Variants in RPP38 observed in about 807,000 individuals in gnomAD.
RPP38 encodes the protein ribonuclease P/MRP subunit p38.
In RPP38, 2 loss-of-function variants were observed where a neutral mutation model predicts 1.7. The observed-to-expected ratio is 1.18, with a 90% CI of 0.48 to 3.70. The LOEUF is 3.70. Ranked by LOEUF, RPP38 falls within the 30% of genes most tolerant of loss-of-function variation. The pLI is 0.07. For synonymous variants in RPP38, 151 were observed against 131.8 expected (o/e 1.15, Z -1.00); for missense variants, 358 against 340.1 (o/e 1.05, Z -0.41).
At chr10:15,099,922 G>A (rs1845064907) in intron 1 of RPP38, among the ~76,000 whole-genome samples, 1 of 152,240 alleles carries the variant, frequency 6.6e-6, no homozygotes, top group South Asian at 2.1e-4. Flanking sequence ...TCGAACGACT[G>A]CACTACTGCC....
intron 1 of RPP38, among the ~76,000 whole-genome samples, chr10:15,099,377 C>A (rs1202740254): frequency 6.6e-6 from 1 of 152,058 alleles, no homozygotes; most frequent in Non-Finnish European, 1.5e-5. Context: ...TGCCCTCAAT[C>A]CCAGTACTTT....
rs746499339 is a variant in RPP38 at position 15,103,383 on chromosome 10, G to A, written c.69G>A (p.Thr23=). The A allele has an allele frequency of 1.6e-5, 26 of 1,613,478 alleles. No individual in the cohort carries two copies. Among genetic ancestry groups the A allele is most frequent in the East Asian group, 2.2e-5 (1 of 44,900 alleles). Residue 23 remains threonine (T), a synonymous_variant, in exon 3 of 3, where the codon ACG becomes ACA. Transcript: ENST00000378197. ...LRKTRPLVVK[T]SLNNPYIIRW... is the part of the protein sequence containing the mutation. Reference sequence around the variant, plus strand: ...AGACGAGACCTCTGGTTGTGAAGACGTCGTTGAACAACCCATACATCATCC... The same window carrying A: ...AGACGAGACCTCTGGTTGTGAAGACATCGTTGAACAACCCATACATCATCC...
chr10:15,100,432 G>T (rs574418495), intron 1 of RPP38, among the ~76,000 whole-genome samples: 2 of 152,186 alleles, frequency 1.3e-5, no homozygotes, highest in South Asian at 4.1e-4. Context: ...GGGGTCAGGG[G>T]ACACAGTGTG....
intron 1 of RPP38, among the ~76,000 whole-genome samples, chr10:15,101,055 G>A (rs1238163299): frequency 6.6e-6 from 1 of 152,174 alleles, no homozygotes; most frequent in Non-Finnish European, 1.5e-5. Context: ...CTGGGTTGAG[G>A]ACCAAGCATC....
In RPP38 at chr10:15,103,632, T is replaced by C. The variant is rs775435319; in HGVS notation, c.318T>C (p.Pro106=). The C allele has an allele frequency of 1.9e-6, 3 of 1,614,102 alleles. No individual in the cohort carries two copies. Among genetic ancestry groups the C allele is most frequent in the East Asian group, 2.2e-5 (1 of 44,888 alleles). ...DAKQQVSGWT[P]AHVRKQLAIG... ...AGCAGCAAGTGTCAGGGTGGACGCC[T>C]GCACACGTCAGGAAGCAGCTTGCCA... Residue 106 remains proline, a synonymous_variant, in exon 3 of 3, where the codon CCT becomes CCC. Coordinates refer to ENST00000378197, the MANE Select transcript of RPP38 (RefSeq NM_183005.5).
At position 15,104,063 on chromosome 10, in the gene RPP38, G is replaced by A. The variant is rs562959917; in HGVS notation, c.749G>A (p.Arg250Gln). The stretch of plus-strand genomic sequence containing the variant: ...CCTAAGAGAAAGCTTGCTGACGGTC[G>A]GCAGGCTTCTGTAACATTACAACCC... ...SKPKRKLADG[R>Q]QASVTLQPLK... Residue 250 changes from arginine (R) to glutamine (Q), a missense_variant, in exon 3 of 3, where the codon CGG becomes CAG. By Grantham distance (43) the Arg-to-Gln change is conservative. Transcript: ENST00000378197. The A allele has an allele frequency of 2.7e-5, 43 of 1,613,834 alleles. No homozygotes were observed. Among genetic ancestry groups the A allele is most frequent in the Middle Eastern group, 1.6e-4 (1 of 6,082 alleles).
At chr10:15,098,844 C>CCACTG in intron 1 of RPP38, among the ~76,000 whole-genome samples, 1 of 149,008 alleles carries the variant, frequency 6.7e-6, no homozygotes, top group South Asian at 2.1e-4. Flanking sequence ...CGAGATTGTG[C>CCACTG]CACTGCACTT....
At chr10:15,099,958 A>T (rs1845065413) in intron 1 of RPP38, among the ~76,000 whole-genome samples, 1 of 152,178 alleles carries the variant, frequency 6.6e-6, no homozygotes. Flanking sequence ...ACTGTCTAGT[A>T]AAAAGAGTTT....
chr10:15,098,906 AG>A lies in RPP38; in HGVS notation c.-130+1141del. Among the ~76,000 whole-genome samples the A allele has an allele frequency of 3.1e-5, 2 of 64,960 alleles. 1 individual carries two copies. The highest frequency in any genetic ancestry group is 5.2e-5 in the Non-Finnish European group (2 of 38,288). The allele number at this position is 64,960 out of a possible 152,430, so 42.6% of individuals were successfully genotyped here. A position where few individuals can be genotyped will look rare whatever the true frequency, so the allele number is the denominator to read the frequency against. ...TCTCAAAAAAAAAAAAAAAAAAAAA[AG>A]TTCCTCTGTGAGGACTGCCTTTTCC... On this transcript the variant is annotated intron_variant, in intron 1 of 2. Transcript: ENST00000378197.
At chr10:15,103,153 C>T in intron 2 of RPP38, 152 bp from the exon 3 acceptor site, 5 of 629,484 alleles carry the variant, frequency 7.9e-6, no homozygotes, top group Non-Finnish European at 1.3e-5. Context: ...GATTGTGCCA[C>T]TGCACTCCAG....
rs373652725 is a variant in RPP38 at position 15,103,846 on chromosome 10, C to G, written c.532C>G (p.Leu178Val). 5.0e-6 allele frequency: 8 copies of G among 1,613,982 alleles called. No individual in the cohort carries two copies. In the African/African-American group the frequency reaches 1.1e-4, roughly 22 times the overall value. Residue 178 changes from leucine (L) to valine (V), a missense_variant, in exon 3 of 3, where the codon CTA (leucine) becomes GTA (valine). Transcript: ENST00000378197. The stretch of plus-strand genomic sequence containing the variant: ...CCCCGTCATTGGCTTAAAATGTGTT[C>G]TAGCCTTGGCGTTCAAAAAGAACAC... ...IAPVIGLKCV[L>V]ALAFKKNTTD...
chr10:15,103,211 T>C, intron 2 of RPP38, 94 bp from the exon 3 acceptor site: 1 of 1,152,964 alleles, frequency 8.7e-7, no homozygotes, highest in South Asian at 1.6e-5. Context: ...AATACATAAA[T>C]AAATAAGAAT....
intron 1 of RPP38, among the ~76,000 whole-genome samples, chr10:15,099,246 CG>C (rs1845046741): frequency 6.6e-6 from 1 of 151,974 alleles, no homozygotes; most frequent in Non-Finnish European, 1.5e-5. Flanking sequence ...GTATGTTGTT[CG>C]GTGTTGAGGA....
rs748098331 is a variant in RPP38 at position 15,103,800 on chromosome 10, C to G, written c.486C>G (p.Pro162=). 1.2e-6 allele frequency: 2 copies of G among 1,614,014 alleles called. No individual in the cohort carries two copies. Among genetic ancestry groups the G allele is most frequent in the Admixed American group, 3.3e-5 (2 of 60,002 alleles). Residue 162 remains proline, a synonymous_variant, in exon 3 of 3, where the codon CCC becomes CCG. Transcript: ENST00000378197. ...GAAGTGTCCCTGCCTGTCAGGTCCC[C>G]CGGCTCAGTGAGAGAATCGCCCCCG... is the stretch of plus-strand genomic sequence containing the variant. ...LSRSVPACQV[P]RLSERIAPVI... is the part of the protein sequence containing the mutation.
chr10:15,102,265 C>G lies in RPP38; in HGVS notation c.-82C>G, dbSNP rs1845129897. ...GCTGGAGTGTGGTGGCACAATCACG[C>G]TCACTGCATCCTTGACCTCCTGGGC... On this transcript the variant is annotated 5_prime_UTR_variant, in exon 2 of 3. Transcript: ENST00000378197. The G allele has an allele frequency of 1.3e-5, 2 of 151,172 alleles. No homozygotes were observed. Among genetic ancestry groups the G allele is most frequent in the Admixed American group, 1.3e-4 (2 of 15,122 alleles). The allele number at this position is 151,172 out of a possible 1,614,324, so 9.4% of individuals were successfully genotyped here. A position where few individuals can be genotyped will look rare whatever the true frequency, so the allele number is the denominator to read the frequency against.
At chr10:15,099,940 AG>A (rs1845064995) in intron 1 of RPP38, among the ~76,000 whole-genome samples, 1 of 152,212 alleles carries the variant, frequency 6.6e-6, no homozygotes, top group African/African-American at 2.4e-5. Flanking sequence ...GCCAGGTGAC[AG>A]GGCAAGACTG....
rs372291454 is a variant in RPP38 at position 15,103,868 on chromosome 10, A to C, written c.554A>C (p.Asn185Thr). 5.6e-6 allele frequency: 9 copies of C among 1,614,158 alleles called. No homozygotes were observed. Among genetic ancestry groups the C allele is most frequent in the South Asian group, 1.1e-5 (1 of 91,070 alleles). Reference sequence around the variant, plus strand: ...GTTCTAGCCTTGGCGTTCAAAAAGAACACCACTGACTTTGTGGACGAAGTA... The same window carrying C: ...GTTCTAGCCTTGGCGTTCAAAAAGACCACCACTGACTTTGTGGACGAAGTA... ...KCVLALAFKK[N>T]TTDFVDEVRA... Residue 185 changes from asparagine to threonine, a missense_variant, in exon 3 of 3, where the codon AAC (asparagine) becomes ACC (threonine). Coordinates refer to ENST00000378197, the MANE Select transcript of RPP38 (RefSeq NM_183005.5).
At position 15,103,395 on chromosome 10, in the gene RPP38, C is replaced by CGT; in HGVS notation, c.81_82insGT (p.Pro28ValfsTer46). 1 of 1,614,164 alleles carries CGT rather than the reference C, an allele frequency of 6.2e-7. No homozygotes were observed. The highest frequency in any genetic ancestry group is 8.5e-7 in the Non-Finnish European group (1 of 1,180,020). ...TGGTTGTGAAGACGTCGTTGAACAA[C>CGT]CCATACATCATCCGCTGGAGCGCTC... On this transcript the variant is annotated frameshift_variant, in exon 3 of 3. Coordinates refer to ENST00000378197, the MANE Select transcript of RPP38 (RefSeq NM_183005.5). LOFTEE classifies it low-confidence loss of function (END_TRUNC).
At chr10:15,102,440 C>T (rs1845133789) in intron 2 of RPP38, 104 bp downstream of exon 2, 1 of 152,072 alleles carries the variant, frequency 6.6e-6, no homozygotes, top group South Asian at 2.1e-4. Context: ...TCCACCACAG[C>T]CTCCCGAAAT....
Sources: allele counts gnomAD v4.1 joint callset (sites outside exome capture counted in the v4.1 genomes callset), GRCh38; gene constraint gnomAD v4.1.1; transcripts MANE v1.5; gene names NCBI Gene and HGNC (gene_info 2026-07-23, HGNC 2026-07-21).